Variants in TNRC18 observed in about 807,000 individuals in gnomAD.
The protein encoded by TNRC18 is trinucleotide repeat-containing gene 18 protein.
Under a neutral mutation model 226.7 loss-of-function variants are expected in TNRC18, and 69 were observed. That is an observed-to-expected ratio of 0.30 (90% CI 0.25 to 0.37). The LOEUF (loss-of-function observed/expected upper bound fraction) is 0.37. Ranked by LOEUF, TNRC18 falls within the 10% of genes least tolerant of loss-of-function variation. The pLI, the probability that TNRC18 is intolerant of heterozygous loss-of-function variation, is 1.00. For synonymous variants in TNRC18, 2,449 were observed against 1,927.6 expected (o/e 1.27, Z -7.09); for missense variants, 4,754 against 4,256.6 (o/e 1.12, Z -3.25).
At position 5,335,949 on chromosome 7, in the gene TNRC18, A is replaced by G. The variant is rs372231439; in HGVS notation, c.5720-2900T>C. Among the ~76,000 whole-genome samples, 37 of 148,238 alleles carry G rather than the reference A, an allele frequency of 2.5e-4. No individual in the cohort carries two copies. The East Asian group carries it at 2.7e-3, about 11-fold the overall frequency. Reference sequence around the variant, plus strand: ...AGGCCATTCACAGTGGCTCACACCTATAATCCCAGCACTTTGGGAGGCCAA... The same window carrying G: ...AGGCCATTCACAGTGGCTCACACCTGTAATCCCAGCACTTTGGGAGGCCAA... On this transcript the variant is annotated intron_variant, in intron 18 of 29. Coordinates refer to ENST00000430969, the MANE Select transcript of TNRC18 (RefSeq NM_001080495.3).
intron 18 of TNRC18, among the ~76,000 whole-genome samples, chr7:5,341,512 C>G (rs1372008351): frequency 6.6e-6 from 1 of 151,892 alleles, no homozygotes; most frequent in Admixed American, 6.6e-5. Flanking sequence ...ACCTGTAATC[C>G]CAGCACTTTG....
chr7:5,344,925 G>A (rs984932622), intron 18 of TNRC18, among the ~76,000 whole-genome samples: 6 of 152,212 alleles, frequency 3.9e-5, no homozygotes, highest in Admixed American at 6.5e-5. Context: ...CGGGGTAAGC[G>A]CCAGCTGCCT....
In TNRC18 at chr7:5,313,855, C is replaced by T. The variant is rs780162397; in HGVS notation, c.7036G>A (p.Ala2346Thr). 4.7e-6 allele frequency: 7 copies of T among 1,476,564 alleles called. No homozygotes were observed. Among genetic ancestry groups the T allele is most frequent in the East Asian group, 2.3e-5 (1 of 42,658 alleles). 91.5% of individuals were successfully genotyped at this position (1,476,564 alleles called of 1,614,324 possible). The change falls in exon 27 of 30, where the codon GCT (alanine) becomes ACT (threonine). Residue 2346 changes from alanine (A) to threonine (T), a missense_variant. By Grantham distance (58) the Ala-to-Thr change is moderately conservative. Coordinates refer to ENST00000430969, the MANE Select transcript of TNRC18 (RefSeq NM_001080495.3). ...PSAKAKGDRA[A>T]TLEEGNPTDE... The stretch of plus-strand genomic sequence containing the variant: ...GTTGGGTTCCCCTCCTCCAGGGTAG[C>T]GGCTCTGTCTGCAAAACAAAACAGA...
Position 5,377,009 on chromosome 7 carries a change from C to A in TNRC18, c.2462-16G>T. 1 of 1,566,456 alleles carries A rather than the reference C, an allele frequency of 6.4e-7. No homozygotes were observed. The highest frequency in any genetic ancestry group is 8.6e-7 in the Non-Finnish European group (1 of 1,156,582). Reference sequence around the variant, plus strand: ...GGACCCAAGCCTAGGAGGAGAAGCCCAGGCCTGAGTCAGTGCTGGGAGCCC... The same window carrying A: ...GGACCCAAGCCTAGGAGGAGAAGCCAAGGCCTGAGTCAGTGCTGGGAGCCC... On this transcript the variant is annotated splice_polypyrimidine_tract_variant and intron_variant, in intron 7 of 29. Transcript: ENST00000430969. The surrounding 1 kb of genome is among the most constrained non-coding windows in gnomAD (Gnocchi z 5.8).
In TNRC18 at chr7:5,356,833, G is replaced by A. The variant is rs539870992; in HGVS notation, c.5194+83C>T. ...GAGCGAGAGAGAGAGTGAGGGGCGGGGGGGGAAGGAGGACGGTGGAGAGAA... is the reference window on the plus strand; with the variant it reads ...GAGCGAGAGAGAGAGTGAGGGGCGGAGGGGGAAGGAGGACGGTGGAGAGAA... On this transcript the variant is annotated intron_variant, in intron 16 of 29. Transcript: ENST00000430969. The A allele has an allele frequency of 9.0e-6, 13 of 1,437,792 alleles. No homozygotes were observed. The Admixed American group carries it at 1.1e-4, about 12-fold the overall frequency. The allele number at this position is 1,437,792 out of a possible 1,614,324, so 89.1% of individuals were successfully genotyped here.
intron 2 of TNRC18, among the ~76,000 whole-genome samples, chr7:5,403,349 G>A (rs562032847): frequency 2.0e-5 from 3 of 152,168 alleles, no homozygotes; most frequent in South Asian, 2.1e-4. Context: ...TAGTAGAGAC[G>A]GGGTTTCTCC....
chr7:5,312,959 A>T lies in TNRC18; in HGVS notation c.7932T>A (p.Ser2644=). 6.6e-6 allele frequency: 8 copies of T among 1,206,148 alleles called. No individual in the cohort carries two copies. The South Asian group carries it at 8.7e-5, about 13-fold the overall frequency. The allele number at this position is 1,206,148 out of a possible 1,614,324, so 74.7% of individuals were successfully genotyped here. A position where few individuals can be genotyped will look rare whatever the true frequency, so the allele number is the denominator to read the frequency against. Reference sequence around the variant, plus strand: ...AGGAGGAGGAAGAGGAGGAAGACGAAGAGGAAGAGGAGGAGGAGGAAGAGG... The same window carrying T: ...AGGAGGAGGAAGAGGAGGAAGACGATGAGGAAGAGGAGGAGGAGGAAGAGG... The part of the protein sequence containing the change: ...SSSSSSSSSS[S]SSSSSSSSSS... Residue 2644 remains serine (S), a synonymous_variant, in exon 27 of 30, where the codon TCT becomes TCA. Transcript: ENST00000430969. The surrounding 1 kb of genome is among the most constrained non-coding windows in gnomAD (Gnocchi z 6.3).
At chr7:5,310,177 A>G (rs1455812465) in intron 27 of TNRC18, among the ~76,000 whole-genome samples, 23 of 152,232 alleles carry the variant, frequency 1.5e-4, no homozygotes, top group Admixed American at 1.5e-3. Flanking sequence ...AGCTGGGATT[A>G]CAGGCGTGAG....
chr7:5,313,411 C>T lies in TNRC18; in HGVS notation c.7480G>A (p.Glu2494Lys). The change falls in exon 27 of 30, where the codon GAG becomes AAG. Residue 2494 changes from glutamate to lysine, a missense_variant. By Grantham distance (56) the Glu-to-Lys change is moderately conservative. Coordinates refer to ENST00000430969, the MANE Select transcript of TNRC18 (RefSeq NM_001080495.3). Reference protein sequence around the residue: ...REDPGAGGWQEPKSLLSLGSY... With the variant: ...REDPGAGGWQKPKSLLSLGSY... ...CCCAGGCTCAGGAGGCTCTTGGGCT[C>T]CTGCCAGCCCCCCGCCCCCGGATCC... The T allele has an allele frequency of 1.9e-6, 3 of 1,598,850 alleles. No homozygotes were observed. In the African/African-American group the frequency reaches 4.0e-5, roughly 21 times the overall value.
chr7:5,332,766 G>A lies in TNRC18; in HGVS notation c.6003C>T (p.Arg2001=). ...CAGCCGAGGCGTCGTGCAGGAAGATGCGCTCGCTGCGGCGCCGCGTCCACA... is the reference window on the plus strand; with the variant it reads ...CAGCCGAGGCGTCGTGCAGGAAGATACGCTCGCTGCGGCGCCGCGTCCACA... The part of the protein sequence containing the change: ...DDLWTRRRSE[R]IFLHDASAAA... Residue 2001 remains arginine (R), a synonymous_variant, in exon 19 of 30, where the codon CGC becomes CGT. Transcript: ENST00000430969. The A allele has an allele frequency of 6.6e-7, 1 of 1,518,358 alleles. No individual in the cohort carries two copies. The allele number at this position is 1,518,358 out of a possible 1,614,324, so 94.1% of individuals were successfully genotyped here. A position where few individuals can be genotyped will look rare whatever the true frequency, so the allele number is the denominator to read the frequency against.
At chr7:5,381,869 G>A (rs1779420190) in intron 5 of TNRC18, among the ~76,000 whole-genome samples, 1 of 152,122 alleles carries the variant, frequency 6.6e-6, no homozygotes, top group Non-Finnish European at 1.5e-5. Flanking sequence ...AGGAAGCTGA[G>A]GCAGGAGAAT....
intron 2 of TNRC18, among the ~76,000 whole-genome samples, chr7:5,397,746 C>G (rs1313739658): frequency 6.6e-6 from 1 of 152,096 alleles, no homozygotes; most frequent in South Asian, 2.1e-4. Context: ...CCCTGGGCCC[C>G]AGAGAAGCCT....
rs1276464861 is a variant in TNRC18, at chr7:5,313,093, G to T, written c.7798C>A (p.Arg2600Ser). 3.0e-6 allele frequency: 4 copies of T among 1,346,238 alleles called. No homozygotes were observed. The highest frequency in any genetic ancestry group is 5.0e-5 in the East Asian group (2 of 39,938). 83.4% of individuals were successfully genotyped at this position (1,346,238 alleles called of 1,614,324 possible). The change falls in exon 27 of 30, where the codon CGT (arginine) becomes AGT (serine). Residue 2600 changes from arginine (R) to serine (S), a missense_variant. Physicochemically the swap from Arg to Ser is moderately radical, Grantham distance 110. Transcript: ENST00000430969. The stretch of plus-strand genomic sequence containing the variant: ...CTGGAGCTGGCAGCGCTGCAGTTAC[G>T]GCCCCCGGTGCCGCAGCCCCCGTCC... ...NGDGGCGTGGRNCSAASSRAA... is the reference protein window; with the variant it reads ...NGDGGCGTGGSNCSAASSRAA...
At chr7:5,362,064 G>C (rs200041531) in intron 12 of TNRC18, 31 bp from the exon 13 acceptor site, 2 of 1,607,212 alleles carry the variant, frequency 1.2e-6, no homozygotes, top group African/African-American at 1.3e-5. Flanking sequence ...GGAGGAGGGG[G>C]TGAGGATGCC....
chr7:5,372,307 G>A (rs1794233836), intron 10 of TNRC18, among the ~76,000 whole-genome samples: 1 of 149,684 alleles, frequency 6.7e-6, no homozygotes, highest in African/African-American at 2.5e-5. Flanking sequence ...TCGATCTCCT[G>A]ACCTCGTGAT....
chr7:5,312,360 C>T lies in TNRC18; in HGVS notation c.8388+143G>A, dbSNP rs1250685151. The T allele has an allele frequency of 2.2e-5, 27 of 1,206,426 alleles. No homozygotes were observed. Among genetic ancestry groups the T allele is most frequent in the Admixed American group, 2.9e-5 (1 of 35,084 alleles). The allele number at this position is 1,206,426 out of a possible 1,614,324, so 74.7% of individuals were successfully genotyped here. A position where few individuals can be genotyped will look rare whatever the true frequency, so the allele number is the denominator to read the frequency against. ...AGGACACTCTGAGACTCAGTGTACC[C>T]ATCCATAAAGTGGGACGCCAGCCCT... On this transcript the variant is annotated intron_variant, in intron 27 of 29. Coordinates refer to ENST00000430969, the MANE Select transcript of TNRC18 (RefSeq NM_001080495.3). This position sits in a 1 kb window ranked among gnomAD's most constrained non-coding sequence, Gnocchi z 6.3.
intron 19 of TNRC18, among the ~76,000 whole-genome samples, chr7:5,329,562 A>T (rs934172596): frequency 9.9e-5 from 15 of 150,766 alleles, no homozygotes; most frequent in Admixed American, 2.7e-4. Flanking sequence ...GGGCACCTGT[A>T]ATCTCAGCTA....
At position 5,308,183 on chromosome 7, in the gene TNRC18, G is replaced by T. The variant is rs1472061375; in HGVS notation, c.8830C>A (p.Leu2944Met). Reference sequence around the variant, plus strand: ...TCGTAGGTGCCCGCGAGGTAGTACAGGCCCTCGCTGTCCTGGTACTTCTTG... The same window carrying T: ...TCGTAGGTGCCCGCGAGGTAGTACATGCCCTCGCTGTCCTGGTACTTCTTG... Reference protein sequence around the residue: ...KTKKYQDSEGLYYLAGTYEPT... With the variant: ...KTKKYQDSEGMYYLAGTYEPT... Residue 2944 changes from leucine (L) to methionine (M), a missense_variant, in exon 30 of 30, where the codon CTG becomes ATG. By Grantham distance (15) the Leu-to-Met change is conservative. Coordinates refer to ENST00000430969, the MANE Select transcript of TNRC18 (RefSeq NM_001080495.3). The T allele has an allele frequency of 2.5e-6, 4 of 1,600,876 alleles. No individual in the cohort carries two copies. The highest frequency in any genetic ancestry group is 3.4e-6 in the Non-Finnish European group (4 of 1,174,642).
rs1470231839 is a variant in TNRC18 at position 5,362,719 on chromosome 7, C to T, written c.4326G>A (p.Lys1442=). ...VLDGPVVDPL[K]NLRLPRELKP... The stretch of plus-strand genomic sequence containing the variant: ...TCAGCTCCCGCGGGAGCCGCAGGTT[C>T]TTGAGTGGGTCCACCACGGGCCCAT... The change falls in exon 12 of 30, where the codon AAG becomes AAA. Residue 1442 remains lysine, a synonymous_variant. Coordinates refer to ENST00000430969, the MANE Select transcript of TNRC18 (RefSeq NM_001080495.3). 6.3e-7 allele frequency: 1 copy of T among 1,579,852 alleles called. No homozygotes were observed. Among genetic ancestry groups the T allele is most frequent in the East Asian group, 2.3e-5 (1 of 42,960 alleles).
Sources: gnomAD v4.1 joint callset for allele counts (sites outside exome capture counted in the v4.1 genomes callset) on GRCh38, gnomAD v4.1.1 for gene constraint, Gnocchi (gnomAD v3.1) non-coding constraint, MANE v1.5 for transcripts, NCBI Gene and HGNC (gene_info 2026-07-23, HGNC 2026-07-21) for gene names.